DLG2: variants seen among roughly 807,000 people sequenced by gnomAD.
DLG2 encodes disks large homolog 2.
A neutral mutation model predicts 132.5 loss-of-function variants in DLG2; 45 were observed. The observed-to-expected ratio is 0.34, with a 90% CI of 0.27 to 0.44. The LOEUF (loss-of-function observed/expected upper bound fraction) is 0.44, where lower values mean the gene tolerates loss of function less well. DLG2 is among the 20% of genes least tolerant of loss of function. The pLI is 1.00. For synonymous variants in DLG2, 424 were observed against 419.6 expected (o/e 1.01, Z -0.13); for missense variants, 1,045 against 1,196.9 (o/e 0.87, Z 1.87).
At chr11:84,223,699 G>A (rs777579431) in intron 8 of DLG2, among the ~76,000 whole-genome samples, 7 of 152,010 alleles carry the variant, frequency 4.6e-5, no homozygotes, top group Admixed American at 1.3e-4. Flanking sequence ...TGGGACTACA[G>A]GCGCATGTCA....
At chr11:83,595,004 C>T (rs183747089) in intron 19 of DLG2, among the ~76,000 whole-genome samples, 3 of 152,280 alleles carry the variant, frequency 2.0e-5, no homozygotes, top group Admixed American at 1.3e-4. Flanking sequence ...CAGCTTTTCA[C>T]ATTATACAGA....
In DLG2 at chr11:85,613,817, C is replaced by T. The variant is rs189080640; in HGVS notation, c.-93+12770G>A. On this transcript the variant is annotated intron_variant, in intron 2 of 27. Transcript: ENST00000376104. ...GCTGTAGAAGCTTTGTTCTTTCGCTCTTTGCAATAAATCTTGCTGCTGCTC... is the reference window on the plus strand; with the variant it reads ...GCTGTAGAAGCTTTGTTCTTTCGCTTTTTGCAATAAATCTTGCTGCTGCTC... Among the ~76,000 whole-genome samples the T allele has an allele frequency of 9.8e-5, 15 of 152,320 alleles. No homozygotes were observed. In the East Asian group the frequency reaches 2.7e-3, roughly 27 times the overall value.
chr11:84,876,350 T>C (rs1476633955), intron 6 of DLG2, among the ~76,000 whole-genome samples: 1 of 152,202 alleles, frequency 6.6e-6, no homozygotes, highest in East Asian at 1.9e-4. Context: ...AATTACTGCC[T>C]CAATTTCAGA....
At chr11:84,841,195 A>C (rs371585904) in intron 6 of DLG2, among the ~76,000 whole-genome samples, 1 of 151,894 alleles carries the variant, frequency 6.6e-6, no homozygotes, top group Non-Finnish European at 1.5e-5. Flanking sequence ...AAAAATTAAA[A>C]CCTGGATGAG....
chr11:83,963,118 G>T (rs991579455), intron 13 of DLG2, 95 bp from the exon 14 acceptor site: 2 of 1,389,684 alleles, frequency 1.4e-6, no homozygotes, highest in Non-Finnish European at 2.0e-6. Flanking sequence ...AAACAGAAAG[G>T]CTTTGCTGCA....
At chr11:85,530,204 C>G (rs1178721765) in intron 3 of DLG2, among the ~76,000 whole-genome samples, 1 of 152,008 alleles carries the variant, frequency 6.6e-6, no homozygotes, top group Non-Finnish European at 1.5e-5. Context: ...CCACATTGGT[C>G]AAGCTGGTCT....
intron 6 of DLG2, among the ~76,000 whole-genome samples, chr11:84,699,688 T>C (rs1271037909): frequency 6.6e-6 from 1 of 151,580 alleles, no homozygotes. Context: ...TTCGTCTCCC[T>C]CGTTTTCCTA....
intron 4 of DLG2, among the ~76,000 whole-genome samples, chr11:85,198,745 C>T (rs1457582598): frequency 6.6e-6 from 1 of 151,982 alleles, no homozygotes; most frequent in Non-Finnish European, 1.5e-5. Context: ...TGAGTTCAAC[C>T]AGCTTTTTGC....
intron 6 of DLG2, among the ~76,000 whole-genome samples, chr11:84,634,187 T>C (rs2099636792): frequency 6.6e-6 from 1 of 152,168 alleles, no homozygotes. Flanking sequence ...TTGTCTTCAA[T>C]CAGCCCCTTC....
chr11:85,225,303 C>T (rs1051100756), intron 4 of DLG2, among the ~76,000 whole-genome samples: 6 of 152,026 alleles, frequency 3.9e-5, no homozygotes, highest in African/African-American at 1.4e-4. Context: ...CTATTATAAA[C>T]CTCCATCATG....
Position 85,154,569 on chromosome 11 carries a change from T to A in DLG2, c.269A>T (p.Asp90Val). Residue 90 changes from aspartate (D) to valine (V), a missense_variant, in exon 5 of 28, where the codon GAT becomes GTT. Physicochemically the swap from Asp to Val is radical, Grantham distance 152. Around this residue, in one of 4 missense-constraint regions of DLG2, gnomAD observed 277 missense variants for 238.2 expected, o/e 1.16. Transcript: ENST00000376104. ...TATAACACTTACAGTTGTCGTCTCA[T>A]CAGTTTCATTTTCAAAACTCTGATT... ...KENQSFENETDETTTQNQGRC... is the reference protein window; with the variant it reads ...KENQSFENETVETTTQNQGRC... 6.7e-7 allele frequency: 1 copy of A among 1,497,560 alleles called. No homozygotes were observed. The highest frequency in any genetic ancestry group is 9.1e-7 in the Non-Finnish European group (1 of 1,099,404). 92.8% of individuals were successfully genotyped at this position (1,497,560 alleles called of 1,614,324 possible).
chr11:85,271,107 GGCCAGGCCCAGGGTCCCTCT>G (rs1237101673), intron 4 of DLG2, among the ~76,000 whole-genome samples: 1 of 152,118 alleles, frequency 6.6e-6, no homozygotes, highest in Non-Finnish European at 1.5e-5. Flanking sequence ...TGGTTTTGTG[GGCCAGGCCCAGGGTCCCTCT>G]GCTGTGTGCA....
At chr11:85,097,784 A>G (rs2070130089) in intron 6 of DLG2, among the ~76,000 whole-genome samples, 1 of 152,218 alleles carries the variant, frequency 6.6e-6, no homozygotes, top group Non-Finnish European at 1.5e-5. Flanking sequence ...TATACATAGT[A>G]TGAGGCTCCA....
chr11:85,120,535 T>C (rs1298529430), intron 5 of DLG2, among the ~76,000 whole-genome samples: 5 of 152,058 alleles, frequency 3.3e-5, no homozygotes, highest in Non-Finnish European at 7.4e-5. Context: ...ATTTTTATCA[T>C]TAAGAATATC....
At chr11:83,978,773 T>C (rs930516258) in intron 12 of DLG2, among the ~76,000 whole-genome samples, 4 of 152,102 alleles carry the variant, frequency 2.6e-5, no homozygotes, top group African/African-American at 9.7e-5. Flanking sequence ...GGGCAGCATG[T>C]ACTTATTAAA....
intron 7 of DLG2, among the ~76,000 whole-genome samples, chr11:84,391,463 T>C (rs1015379226): frequency 5.3e-5 from 8 of 152,146 alleles, no homozygotes; most frequent in Non-Finnish European, 1.2e-4. Context: ...CCCAAACAAA[T>C]GGTTTTGATA....
At chr11:85,447,987 A>T (rs1232163060) in intron 3 of DLG2, among the ~76,000 whole-genome samples, 3 of 152,178 alleles carry the variant, frequency 2.0e-5, no homozygotes, top group Non-Finnish European at 1.5e-5. Context: ...AGCAATGGAC[A>T]GATCGTTGAC....
chr11:83,625,356 CCA>C (rs1301002637), intron 19 of DLG2, among the ~76,000 whole-genome samples: 1 of 152,184 alleles, frequency 6.6e-6, no homozygotes. Context: ...TCCTGCCATT[CCA>C]CACTCTTCTT....
intron 3 of DLG2, among the ~76,000 whole-genome samples, chr11:85,492,166 G>A (rs926179342): frequency 1.3e-4 from 20 of 152,060 alleles, no homozygotes; most frequent in Admixed American, 1.0e-3. Flanking sequence ...ATGTTAATTC[G>A]CTCAATTTAG....
Sources: allele counts gnomAD v4.1 joint callset (sites outside exome capture counted in the v4.1 genomes callset), GRCh38; gene constraint gnomAD v4.1.1; regional missense constraint gnomAD v4.1.1; transcripts MANE v1.5; gene names NCBI Gene and HGNC (gene_info 2026-07-23, HGNC 2026-07-21).